Variants in ECT2L observed in about 807,000 individuals in gnomAD.
ECT2L encodes the protein epithelial cell-transforming sequence 2 oncogene-like.
In ECT2L, 126 loss-of-function variants were observed where a neutral mutation model predicts 122.8. That is an observed-to-expected ratio of 1.03 (90% CI 0.89 to 1.19). ECT2L has a LOEUF of 1.19. Ranked by LOEUF, ECT2L falls within the 50% of genes most tolerant of loss-of-function variation. The pLI is 0.00. For missense variants in ECT2L, 1,012 were observed against 1,064.1 expected (o/e 0.95, Z 0.68); for synonymous variants, 385 against 381.8 (o/e 1.01, Z -0.10).
At chr6:138,877,881 C>T (rs1016422084) in intron 14 of ECT2L, among the ~76,000 whole-genome samples, 4 of 152,134 alleles carry the variant, frequency 2.6e-5, no homozygotes, top group Non-Finnish European at 4.4e-5. Flanking sequence ...TGCACTACTG[C>T]ACTTCAGCCT....
chr6:138,891,377 G>T (rs1263995596), intron 20 of ECT2L, among the ~76,000 whole-genome samples: 1 of 152,190 alleles, frequency 6.6e-6, no homozygotes, highest in African/African-American at 2.4e-5. Context: ...ATCCAGGAGA[G>T]ATTCAGCTGA....
At chr6:138,832,782 CT>C (rs1424849887) in intron 4 of ECT2L, among the ~76,000 whole-genome samples, 1 of 151,452 alleles carries the variant, frequency 6.6e-6, no homozygotes, top group Non-Finnish European at 1.5e-5. Context: ...TTGCTGATTT[CT>C]TTTTTCATTA....
rs368311301 is a variant in ECT2L at position 138,868,255 on chromosome 6, A to G, written c.1578+49A>G. Reference sequence around the variant, plus strand: ...AAACTATGAAAACCAACATTTAAATAAATTCTGTTTGCAGTTATTATTAAT... The same window carrying G: ...AAACTATGAAAACCAACATTTAAATGAATTCTGTTTGCAGTTATTATTAAT... On this transcript the variant is annotated intron_variant, in intron 13 of 21. Coordinates refer to ENST00000541398, the MANE Select transcript of ECT2L (RefSeq NM_001077706.3). 6.2e-5 allele frequency: 94 copies of G among 1,525,852 alleles called. No individual in the cohort carries two copies. The East Asian group carries it at 1.3e-3, about 21-fold the overall frequency. 94.5% of individuals were successfully genotyped at this position (1,525,852 alleles called of 1,614,324 possible).
chr6:138,864,349 T>C (rs1394931833), intron 11 of ECT2L, among the ~76,000 whole-genome samples: 1 of 152,146 alleles, frequency 6.6e-6, no homozygotes, highest in East Asian at 1.9e-4. Flanking sequence ...TTGTGAACCT[T>C]TTCACATGTC....
intron 13 of ECT2L, among the ~76,000 whole-genome samples, chr6:138,875,517 G>A (rs1778409088): frequency 1.3e-5 from 2 of 152,230 alleles, no homozygotes; most frequent in African/African-American, 2.4e-5. Flanking sequence ...CATAAACACA[G>A]GACCACTGCT....
chr6:138,828,669 T>G (rs937268240), intron 4 of ECT2L, among the ~76,000 whole-genome samples: 2 of 152,178 alleles, frequency 1.3e-5, no homozygotes, highest in Non-Finnish European at 2.9e-5. Context: ...CATACTTCTA[T>G]AAAGAGAAAC....
intron 9 of ECT2L, among the ~76,000 whole-genome samples, chr6:138,850,047 A>T (rs866021333): frequency 1.4e-4 from 22 of 152,164 alleles, no homozygotes; most frequent in African/African-American, 5.1e-4. Context: ...TCTCCTCTCC[A>T]CAGGCCCTGA....
intron 20 of ECT2L, among the ~76,000 whole-genome samples, chr6:138,900,488 A>T (rs192727118): frequency 3.9e-5 from 6 of 152,272 alleles, no homozygotes; most frequent in African/African-American, 1.4e-4. Context: ...CCTCATAATC[A>T]GCCTGCCTTG....
At chr6:138,882,491 C>T (rs931659754) in intron 15 of ECT2L, among the ~76,000 whole-genome samples, 6 of 152,166 alleles carry the variant, frequency 3.9e-5, no homozygotes, top group African/African-American at 1.2e-4. Flanking sequence ...GGTTCCTTCA[C>T]CTCAAGGAAC....
intron 4 of ECT2L, among the ~76,000 whole-genome samples, chr6:138,816,324 G>A (rs1049969053): frequency 2.6e-5 from 4 of 152,066 alleles, no homozygotes; most frequent in South Asian, 4.1e-4. Context: ...TCCTTTGTCC[G>A]GTAACTGAAT....
At chr6:138,857,441 C>A (rs1486811795) in intron 10 of ECT2L, among the ~76,000 whole-genome samples, 1 of 152,058 alleles carries the variant, frequency 6.6e-6, no homozygotes, top group African/African-American at 2.4e-5. Flanking sequence ...TGCCTCTAGG[C>A]CCTCCATCCT....
At chr6:138,819,929 A>G (rs1163833307) in intron 4 of ECT2L, among the ~76,000 whole-genome samples, 1 of 152,094 alleles carries the variant, frequency 6.6e-6, no homozygotes, top group Non-Finnish European at 1.5e-5. Flanking sequence ...GTTAGAATAT[A>G]GGAGATTACT....
At chr6:138,865,877 A>G (rs567452385) in intron 12 of ECT2L, among the ~76,000 whole-genome samples, 5 of 152,162 alleles carry the variant, frequency 3.3e-5, no homozygotes, top group African/African-American at 1.2e-4. Context: ...GAATCAAATC[A>G]CCCTCTATCT....
At chr6:138,876,948 G>A (rs1031102577) in intron 14 of ECT2L, among the ~76,000 whole-genome samples, 8 of 152,282 alleles carry the variant, frequency 5.3e-5, no homozygotes, top group African/African-American at 1.2e-4. Flanking sequence ...CTAGGGCTCC[G>A]TCTTTCTGTG....
intron 4 of ECT2L, among the ~76,000 whole-genome samples, chr6:138,826,476 G>T (rs747316091): frequency 2.6e-5 from 4 of 152,004 alleles, no homozygotes; most frequent in African/African-American, 4.8e-5. Flanking sequence ...CAAGAGTTGA[G>T]ACCAGCCTGG....
At chr6:138,891,595 CA>C (rs201311806) in intron 20 of ECT2L, among the ~76,000 whole-genome samples, 1,505 of 148,044 alleles carry the variant, frequency 0.01, 12 homozygotes, top group Admixed American at 0.018. Context: ...GAATCCCCCC[CA>C]TGACCTGGAA....
intron 16 of ECT2L, among the ~76,000 whole-genome samples, chr6:138,884,317 T>C (rs1010546271): frequency 2.6e-5 from 4 of 152,204 alleles, no homozygotes; most frequent in African/African-American, 9.7e-5. Context: ...ACGGGTGCTC[T>C]AATAGTGATA....
At chr6:138,873,837 G>A (rs924187076) in intron 13 of ECT2L, among the ~76,000 whole-genome samples, 4 of 150,198 alleles carry the variant, frequency 2.7e-5, no homozygotes, top group African/African-American at 7.5e-5. Flanking sequence ...TCCCAGAGAG[G>A]CTTGTGTAAT....
In ECT2L at chr6:138,902,585, G is replaced by A; in HGVS notation, c.2673G>A (p.Leu891=). The change falls in exon 22 of 22, where the codon CTG becomes CTA. Residue 891 remains leucine (L), a synonymous_variant. Transcript: ENST00000541398. ...TEIEDDKFLW[L]SVLRNAIKSS... is the part of the protein sequence containing the mutation. Reference sequence around the variant, plus strand: ...TAGAGGATGATAAGTTCCTATGGCTGTCAGTACTTCGAAATGCAATCAAAA... The same window carrying A: ...TAGAGGATGATAAGTTCCTATGGCTATCAGTACTTCGAAATGCAATCAAAA... 1 of 1,613,968 alleles carries A rather than the reference G, an allele frequency of 6.2e-7. No homozygotes were observed. The highest frequency in any genetic ancestry group is 8.5e-7 in the Non-Finnish European group (1 of 1,179,920).
Sources: gnomAD v4.1 joint callset for allele counts (sites outside exome capture counted in the v4.1 genomes callset) on GRCh38, gnomAD v4.1.1 for gene constraint, MANE v1.5 for transcripts, NCBI Gene and HGNC (gene_info 2026-07-23, HGNC 2026-07-21) for gene names.